UQCRQ: variants seen among roughly 807,000 people sequenced by gnomAD.
The protein encoded by UQCRQ is cytochrome b-c1 complex subunit 8.
In UQCRQ, 9 loss-of-function variants were observed where a neutral mutation model predicts 7.9. The observed-to-expected ratio is 1.13, with a 90% confidence interval of 0.68 to 1.98. The LOEUF (loss-of-function observed/expected upper bound fraction) is 1.98. UQCRQ is among the 30% of genes most tolerant of loss of function. The probability of loss-of-function intolerance (pLI) is 0.00; values close to 1 mark genes in which losing one functional copy is unlikely to be tolerated. For missense variants in UQCRQ, 112 were observed against 109.7 expected (o/e 1.02, Z -0.10); for synonymous variants, 50 against 41.9 (o/e 1.19, Z -0.75).
chr5:132,866,933 A>T lies in UQCRQ; in HGVS notation c.52A>T (p.Ser18Cys). Residue 18 changes from serine (S) to cysteine (C), a missense_variant, in exon 2 of 3, where the codon AGC becomes TGC. By Grantham distance (112) the Ser-to-Cys change is moderately radical. Transcript: ENST00000378670. ...GCGGATGCGGCATGTGATCAGCTACAGCTTGTCACCGTTCGAGCAGCGCGC... is the reference window on the plus strand; with the variant it reads ...GCGGATGCGGCATGTGATCAGCTACTGCTTGTCACCGTTCGAGCAGCGCGC... ...LTRMRHVISY[S>C]LSPFEQRAYP... The T allele has an allele frequency of 1.2e-6, 2 of 1,614,106 alleles. No individual in the cohort carries two copies. The highest frequency in any genetic ancestry group is 1.3e-5 in the African/African-American group (1 of 75,076).
At position 132,866,992 on chromosome 5, in the gene UQCRQ, T is replaced by C. The variant is rs773212835; in HGVS notation, c.111T>C (p.Asn37=). Reference sequence around the variant, plus strand: ...ACGTCTTCACTAAAGGAATCCCCAATGTTCTGCGCCGCATTCGGGAGTCTT... The same window carrying C: ...ACGTCTTCACTAAAGGAATCCCCAACGTTCTGCGCCGCATTCGGGAGTCTT... The part of the protein sequence containing the change: ...YPHVFTKGIP[N]VLRRIRESFF... Residue 37 remains asparagine (N), a synonymous_variant, in exon 2 of 3, where the codon AAT becomes AAC. Transcript: ENST00000378670. 3 of 1,614,068 alleles carry C rather than the reference T, an allele frequency of 1.9e-6. No homozygotes were observed. Among genetic ancestry groups the C allele is most frequent in the Non-Finnish European group, 1.7e-6 (2 of 1,179,950 alleles).
At position 132,866,962 on chromosome 5, in the gene UQCRQ, T is replaced by G; in HGVS notation, c.81T>G (p.Tyr27Ter). 6.2e-7 allele frequency: 1 copy of G among 1,614,102 alleles called. No homozygotes were observed. The highest frequency in any genetic ancestry group is 8.5e-7 in the Non-Finnish European group (1 of 1,179,972). The change falls in exon 2 of 3, where the codon TAT (tyrosine) becomes TAG (stop). Residue 27 changes from tyrosine to a stop codon, truncating the protein, a stop_gained. Transcript: ENST00000378670. LOFTEE classifies it high-confidence loss of function. ...YSLSPFEQRA[Y>*]PHVFTKGIPN... ...TGTCACCGTTCGAGCAGCGCGCCTA[T>G]CCGCACGTCTTCACTAAAGGAATCC...
intron 2 of UQCRQ, 27 bp from the exon 3 acceptor site, chr5:132,867,461 C>G (rs368996404): frequency 2.0e-5 from 31 of 1,578,028 alleles, no homozygotes; most frequent in South Asian, 2.2e-5. Context: ...TATGTGTGCT[C>G]TCTGTTTACT....
intron 2 of UQCRQ, 83 bp downstream of exon 2, chr5:132,867,118 G>A (rs958287114): frequency 2.6e-6 from 4 of 1,567,582 alleles, no homozygotes; most frequent in Non-Finnish European, 3.5e-6. Context: ...GAGCGCTGGC[G>A]GCCGGGCAGG....
At position 132,866,907 on chromosome 5, in the gene UQCRQ, C is replaced by G. The variant is rs1322771625; in HGVS notation, c.26C>G (p.Thr9Arg). 6.2e-7 allele frequency: 1 copy of G among 1,613,892 alleles called. No homozygotes were observed. Among genetic ancestry groups the G allele is most frequent in the Non-Finnish European group, 8.5e-7 (1 of 1,179,962 alleles). MGREFGNL[T>R]RMRHVISYSL... ...ATGGGCCGCGAGTTTGGGAATCTGA[C>G]GCGGATGCGGCATGTGATCAGCTAC... Residue 9 changes from threonine to arginine, a missense_variant, in exon 2 of 3, where the codon ACG becomes AGG. Transcript: ENST00000378670.
At position 132,867,551 on chromosome 5, in the gene UQCRQ, A is replaced by G. The variant is rs1759668116; in HGVS notation, c.218A>G (p.Lys73Arg). 6 of 1,614,104 alleles carry G rather than the reference A, an allele frequency of 3.7e-6. No individual in the cohort carries two copies. The highest frequency in any genetic ancestry group is 5.1e-6 in the Non-Finnish European group (6 of 1,180,036). Reference sequence around the variant, plus strand: ...GAAGAGTTCGAGAGATCCAAGAGGAAGAATCCAGCTGCCTATGAAAATGAC... The same window carrying G: ...GAAGAGTTCGAGAGATCCAAGAGGAGGAATCCAGCTGCCTATGAAAATGAC... ...GTEEFERSKR[K>R]NPAAYENDK Residue 73 changes from lysine to arginine, a missense_variant, in exon 3 of 3, where the codon AAG (lysine) becomes AGG (arginine). Transcript: ENST00000378670.
rs771963049 is a variant in UQCRQ at position 132,867,609 on chromosome 5, G to C, written c.*27G>C. ...CAACGCATCCGGATGACGGTTCCCT[G>C]TCTCTGAAAGACCTTTCTCTGGAAG... On this transcript the variant is annotated 3_prime_UTR_variant, in exon 3 of 3. Transcript: ENST00000378670. The C allele has an allele frequency of 1.7e-5, 27 of 1,582,702 alleles. No individual in the cohort carries two copies. Among genetic ancestry groups the C allele is most frequent in the African/African-American group, 2.7e-5 (2 of 74,216 alleles).
rs1273081095 is a variant in UQCRQ, at chr5:132,866,729, G to A, written c.-14+42G>A. The A allele has an allele frequency of 4.8e-6, 5 of 1,033,046 alleles. No homozygotes were observed. The Admixed American group carries it at 1.1e-4, about 23-fold the overall frequency. The allele number at this position is 1,033,046 out of a possible 1,614,324, so 64.0% of individuals were successfully genotyped here. ...TGGTTGTGCAGTGTTCGTGGACCCT[G>A]GGAGGCTAGGGGCGCCCCGCTGGGC... On this transcript the variant is annotated intron_variant, in intron 1 of 2. Coordinates refer to ENST00000378670, the MANE Select transcript of UQCRQ (RefSeq NM_014402.5).
rs550340218 is a variant in UQCRQ at position 132,867,233 on chromosome 5, G to A, written c.154+198G>A. 469 of 805,454 alleles carry A rather than the reference G, an allele frequency of 5.8e-4. 9 individuals carry two copies. The South Asian group carries it at 8.2e-3, about 14-fold the overall frequency. The allele number at this position is 805,454 out of a possible 1,614,324, so 49.9% of individuals were successfully genotyped here. On this transcript the variant is annotated intron_variant, in intron 2 of 2. Coordinates refer to ENST00000378670, the MANE Select transcript of UQCRQ (RefSeq NM_014402.5). ...CTTACACGGGGAAAACTGAGCTACA[G>A]AACTGAAATGACTGGCCCAAGGTCA...
chr5:132,867,205 C>T, intron 2 of UQCRQ, 170 bp downstream of exon 2: 1 of 920,840 alleles, frequency 1.1e-6, no homozygotes, highest in Non-Finnish European at 1.6e-6. Flanking sequence ...TTATCCTCCC[C>T]ATCTTACACG....
intron 2 of UQCRQ, 194 bp downstream of exon 2, chr5:132,867,229 T>C (rs1284711848): frequency 3.6e-6 from 3 of 824,484 alleles, no homozygotes; most frequent in Non-Finnish European, 5.6e-6. Context: ...AAAACTGAGC[T>C]ACAGAACTGA....
At chr5:132,867,126 A>C in intron 2 of UQCRQ, 91 bp downstream of exon 2, 1 of 1,551,022 alleles carries the variant, frequency 6.4e-7, no homozygotes, top group Non-Finnish European at 8.8e-7. Flanking sequence ...GCGGCCGGGC[A>C]GGCGCTCTGT....
chr5:132,868,029 G>T lies in UQCRQ; in HGVS notation c.*447G>T. ...GGAGTCTTGCTCTCTCACCCAGGCTGGAGTGCAGTGGTGTGATCTCGGCTC... is the reference window on the plus strand; with the variant it reads ...GGAGTCTTGCTCTCTCACCCAGGCTTGAGTGCAGTGGTGTGATCTCGGCTC... On this transcript the variant is annotated 3_prime_UTR_variant, in exon 3 of 3. Coordinates refer to ENST00000378670, the MANE Select transcript of UQCRQ (RefSeq NM_014402.5). The T allele has an allele frequency of 4.7e-6, 1 of 212,714 alleles. No homozygotes were observed. The highest frequency in any genetic ancestry group is 5.2e-5 in the Admixed American group (1 of 19,104). The allele number at this position is 212,714 out of a possible 1,614,324, so 13.2% of individuals were successfully genotyped here. A position where few individuals can be genotyped will look rare whatever the true frequency, so the allele number is the denominator to read the frequency against.
At chr5:132,867,463 C>T (rs1363269468) in intron 2 of UQCRQ, 25 bp from the exon 3 acceptor site, 2 of 1,585,134 alleles carry the variant, frequency 1.3e-6, no homozygotes, top group Non-Finnish European at 8.7e-7. Flanking sequence ...TGTGTGCTCT[C>T]TGTTTACTCT....
chr5:132,866,947 C>T lies in UQCRQ; in HGVS notation c.66C>T (p.Phe22=), dbSNP rs1581255514. The T allele has an allele frequency of 6.2e-7, 1 of 1,614,130 alleles. No homozygotes were observed. The highest frequency in any genetic ancestry group is 8.5e-7 in the Non-Finnish European group (1 of 1,179,984). Residue 22 remains phenylalanine (F), a synonymous_variant, in exon 2 of 3, where the codon TTC becomes TTT. Coordinates refer to ENST00000378670, the MANE Select transcript of UQCRQ (RefSeq NM_014402.5). ...TGATCAGCTACAGCTTGTCACCGTT[C>T]GAGCAGCGCGCCTATCCGCACGTCT... ...RHVISYSLSP[F]EQRAYPHVFT... is the part of the protein sequence containing the mutation.
chr5:132,866,712 C>T, intron 1 of UQCRQ, 25 bp downstream of exon 1: 1 of 784,650 alleles, frequency 1.3e-6, no homozygotes, highest in Non-Finnish European at 2.0e-6. Context: ...TCTGGTTGTG[C>T]AGTGTTCGTG....
chr5:132,867,159 C>A, intron 2 of UQCRQ, 124 bp downstream of exon 2: 1 of 1,280,922 alleles, frequency 7.8e-7, no homozygotes, highest in Non-Finnish European at 1.1e-6. Context: ...ACACCTTTCT[C>A]ATTGAATATT....
Position 132,868,322 on chromosome 5 carries a change from T to C in UQCRQ, c.*740T>C, listed in dbSNP as rs1427139830. Among the ~76,000 whole-genome samples the C allele has an allele frequency of 6.6e-6, 1 of 152,194 alleles. No homozygotes were observed. Among genetic ancestry groups the C allele is most frequent in the Non-Finnish European group, 1.5e-5 (1 of 68,034 alleles). ...AGCTACACAAATGAACTGTTAAACC[T>C]CACAAGCACCTTTAACGTATCCTCA... On this transcript the variant is annotated 3_prime_UTR_variant, in exon 3 of 3. Coordinates refer to ENST00000378670, the MANE Select transcript of UQCRQ (RefSeq NM_014402.5).
chr5:132,867,392 G>A (rs1759661322), intron 2 of UQCRQ, 96 bp from the exon 3 acceptor site: 2 of 938,560 alleles, frequency 2.1e-6, no homozygotes, highest in Admixed American at 4.0e-5. Context: ...AACTACTGAA[G>A]TGTATGCTTT....
Sources: allele counts gnomAD v4.1 joint callset (sites outside exome capture counted in the v4.1 genomes callset), GRCh38; gene constraint gnomAD v4.1.1; transcripts MANE v1.5; gene names NCBI Gene and HGNC (gene_info 2026-07-23, HGNC 2026-07-21).